Variants in HACE1 observed in about 807,000 individuals in gnomAD.
HACE1 encodes E3 ubiquitin-protein ligase HACE1.
In HACE1, 73 loss-of-function variants were observed where a neutral mutation model predicts 118.4. That is an observed-to-expected ratio of 0.62 (90% confidence interval 0.51 to 0.75). The LOEUF is 0.75. Ranked by LOEUF, HACE1 falls within the 30% of genes least tolerant of loss-of-function variation. The pLI is 0.00. For synonymous variants in HACE1, 368 were observed against 374.8 expected, an observed-to-expected ratio of 0.98 and a Z score of 0.21; for missense variants, 749 against 1,102.2, an observed-to-expected ratio of 0.68 and a Z score of 4.54.
chr6:104,796,578 C>T (rs1769658393), intron 9 of HACE1, 77 bp downstream of exon 9: 2 of 784,702 alleles, frequency 2.5e-6, no homozygotes, highest in South Asian at 1.4e-5. Context: ...CTAAGCTAAG[C>T]ACATTTGTAA....
At chr6:104,793,967 C>A (rs1292996804) in intron 10 of HACE1, among the ~76,000 whole-genome samples, 1 of 152,168 alleles carries the variant, frequency 6.6e-6, no homozygotes, top group Non-Finnish European at 1.5e-5. Flanking sequence ...TTAAAAACTA[C>A]TATTGTTTTG....
chr6:104,744,130 T>G, intron 22 of HACE1, 30 bp downstream of exon 22: 3 of 1,270,822 alleles, frequency 2.4e-6, no homozygotes, highest in Non-Finnish European at 3.5e-6. Context: ...CATTAAATTA[T>G]TTCCATATTA....
chr6:104,829,020 C>T (rs1412011613), intron 6 of HACE1, among the ~76,000 whole-genome samples: 1 of 151,942 alleles, frequency 6.6e-6, no homozygotes, highest in Non-Finnish European at 1.5e-5. Context: ...AGCTCATGTG[C>T]TTTATTTCTT....
intron 1 of HACE1, among the ~76,000 whole-genome samples, chr6:104,854,000 T>C (rs1293786924): frequency 1.3e-5 from 2 of 152,232 alleles, no homozygotes; most frequent in South Asian, 2.1e-4. Flanking sequence ...GTTATGTGAA[T>C]GTGGTCTCTC....
intron 19 of HACE1, among the ~76,000 whole-genome samples, chr6:104,763,051 TAAAAAG>T (rs1454590396): frequency 9.2e-6 from 1 of 108,412 alleles, no homozygotes; most frequent in Non-Finnish European, 2.0e-5. Flanking sequence ...TCCCAGCAAA[TAAAAAG>T]AAAATACTGG....
At chr6:104,789,436 A>G (rs1321242254) in intron 11 of HACE1, among the ~76,000 whole-genome samples, 1 of 152,052 alleles carries the variant, frequency 6.6e-6, no homozygotes, top group Non-Finnish European at 1.5e-5. Flanking sequence ...AAAATTCTTG[A>G]AATAAGAAAG....
Position 104,744,203 on chromosome 6 carries a change from T to C in HACE1, c.2470A>G (p.Thr824Ala), listed in dbSNP as rs1777148732. ...AAGAGAAGAACTCTCTCCTCTTGAG[T>C]AATGTCTTCTACAACTTCCCAGAAC... ...QWFWEVVEDI[T>A]QEERVLLLQF... Residue 824 changes from threonine to alanine, a missense_variant, in exon 22 of 24, where the codon ACT (threonine) becomes GCT (alanine). Physicochemically the swap from Thr to Ala is moderately conservative, Grantham distance 58. This residue lies in a region of HACE1 where 165 missense variants were observed against 229.9 expected (regional missense o/e 0.72). Transcript: ENST00000262903. The C allele has an allele frequency of 6.2e-7, 1 of 1,604,078 alleles. No individual in the cohort carries two copies. Among genetic ancestry groups the C allele is most frequent in the African/African-American group, 1.4e-5 (1 of 73,630 alleles).
intron 10 of HACE1, among the ~76,000 whole-genome samples, chr6:104,792,870 C>T (rs1783177351): frequency 6.6e-6 from 1 of 152,196 alleles, no homozygotes; most frequent in South Asian, 2.1e-4. Flanking sequence ...CTCCTCCCTG[C>T]TCTTTCTACC....
At chr6:104,791,816 G>A (rs562278924) in intron 10 of HACE1, among the ~76,000 whole-genome samples, 162 bp from the exon 11 acceptor site, 102 of 152,076 alleles carry the variant, frequency 6.7e-4, no homozygotes, top group African/African-American at 2.4e-3. Context: ...AGTTTAACAG[G>A]AAGTTACATT....
chr6:104,794,065 G>A (rs1476671903), intron 10 of HACE1, among the ~76,000 whole-genome samples: 3 of 152,038 alleles, frequency 2.0e-5, no homozygotes, highest in Non-Finnish European at 4.4e-5. Flanking sequence ...CCTAGAATCC[G>A]CTATTTACTA....
chr6:104,772,214 C>A (rs1040326600), intron 17 of HACE1, 140 bp from the exon 18 acceptor site: 8 of 575,580 alleles, frequency 1.4e-5, no homozygotes, highest in African/African-American at 7.6e-5. Flanking sequence ...GAGAAATGTT[C>A]TTTGTGGAAA....
intron 11 of HACE1, among the ~76,000 whole-genome samples, chr6:104,787,869 T>C (rs1356943491): frequency 6.6e-6 from 1 of 152,106 alleles, no homozygotes. Context: ...CAGCAAATAA[T>C]TAGAAGAATG....
rs1222710571 is a variant in HACE1, at chr6:104,794,209, C to A, written c.923+1370G>T. On this transcript the variant is annotated intron_variant, in intron 10 of 23. Transcript: ENST00000262903. ...ATAAATGAAATAATATATTCGAATG[C>A]TCCTTAGCTTGGTACCTGCTTAATA... 4.6e-5 allele frequency among the ~76,000 whole-genome samples: 7 copies of A among 152,112 alleles called. No individual in the cohort carries two copies. The East Asian group carries it at 1.3e-3, about 29-fold the overall frequency.
intron 6 of HACE1, among the ~76,000 whole-genome samples, chr6:104,822,942 A>G (rs1772935030): frequency 6.6e-6 from 1 of 152,214 alleles, no homozygotes; most frequent in Admixed American, 6.5e-5. Context: ...CAATTTATTC[A>G]TTAGACTAAC....
rs1369104683 is a variant in HACE1 at position 104,785,071 on chromosome 6, A to G, written c.1323T>C (p.Cys441=). ...LAGRQEASAD[C]QDVISMTANR... ...TAGCTGTCATAGAAATAACATCCTG[A>G]CAATCTGCACTGGCTTCCTGTCTCC... is the stretch of plus-strand genomic sequence containing the variant. The change falls in exon 12 of 24, where the codon TGT becomes TGC. Residue 441 remains cysteine, a synonymous_variant. Transcript: ENST00000262903. The G allele has an allele frequency of 6.2e-7, 1 of 1,613,870 alleles. No homozygotes were observed. The highest frequency in any genetic ancestry group is 8.5e-7 in the Non-Finnish European group (1 of 1,179,902).
At chr6:104,788,725 T>C (rs1782692822) in intron 11 of HACE1, among the ~76,000 whole-genome samples, 1 of 152,126 alleles carries the variant, frequency 6.6e-6, no homozygotes, top group Admixed American at 6.5e-5. Flanking sequence ...TTCCCCATGT[T>C]CACTGTGCTT....
At chr6:104,824,438 T>C (rs904507826) in intron 6 of HACE1, among the ~76,000 whole-genome samples, 4 of 152,208 alleles carry the variant, frequency 2.6e-5, no homozygotes, top group African/African-American at 9.6e-5. Context: ...AGATAATCAA[T>C]GTTTTCAACT....
At chr6:104,745,290 G>A (rs182980036) in intron 20 of HACE1, among the ~76,000 whole-genome samples, 91 of 152,134 alleles carry the variant, frequency 6.0e-4, no homozygotes, top group Non-Finnish European at 9.4e-4. Flanking sequence ...AATTAAGAAT[G>A]GCAAAGTATT....
At chr6:104,759,535 G>A (rs543822423) in intron 19 of HACE1, among the ~76,000 whole-genome samples, 86 of 152,172 alleles carry the variant, frequency 5.7e-4, no homozygotes, top group Admixed American at 2.0e-3. Context: ...GAATCTCTGG[G>A]ACACATTTAA....
Sources: gnomAD v4.1 joint callset for allele counts (sites outside exome capture counted in the v4.1 genomes callset) on GRCh38, gnomAD v4.1.1 for gene constraint, gnomAD v4.1.1 regional missense constraint, MANE v1.5 for transcripts, NCBI Gene and HGNC (gene_info 2026-07-23, HGNC 2026-07-21) for gene names.